SIN3B: variants seen among roughly 807,000 people sequenced by gnomAD.
SIN3B encodes paired amphipathic helix protein Sin3b.
A neutral mutation model predicts 120.2 loss-of-function variants in SIN3B; 19 were observed. The observed-to-expected ratio is 0.16, with a 90% CI of 0.11 to 0.23. SIN3B has a LOEUF of 0.23. SIN3B is among the 10% of genes least tolerant of loss of function. SIN3B has a pLI of 1.00. For synonymous variants in SIN3B, 654 were observed against 653.2 expected, an observed-to-expected ratio of 1.00 and a Z score of -0.02; for missense variants, 1,073 against 1,573.0, an observed-to-expected ratio of 0.68 and a Z score of 5.38.
chr19:16,864,778 G>A (rs933426315), intron 10 of SIN3B, among the ~76,000 whole-genome samples: 1 of 150,150 alleles, frequency 6.7e-6, no homozygotes, highest in African/African-American at 2.5e-5. Flanking sequence ...ACTGCTTGAG[G>A]CCAGGAGTTC....
chr19:16,850,408 A>G (rs910834596), intron 5 of SIN3B, among the ~76,000 whole-genome samples: 4 of 151,296 alleles, frequency 2.6e-5, no homozygotes, highest in Admixed American at 6.6e-5. Flanking sequence ...ACGGCATCCT[A>G]TTTGTTCTGC....
Position 16,843,815 on chromosome 19 carries a change from T to C in SIN3B, c.582+1847T>C, listed in dbSNP as rs973006775. Among the ~76,000 whole-genome samples, 7 of 151,982 alleles carry C rather than the reference T, an allele frequency of 4.6e-5. No homozygotes were observed. The East Asian group carries it at 9.7e-4, about 21-fold the overall frequency. Reference sequence around the variant, plus strand: ...CCTGGCCACCATGCAGGATTCCCATTCATCAGGGCCCGCCCGGCATCGGCA... The same window carrying C: ...CCTGGCCACCATGCAGGATTCCCATCCATCAGGGCCCGCCCGGCATCGGCA... On this transcript the variant is annotated intron_variant, in intron 4 of 18. Coordinates refer to ENST00000248054, the MANE Select transcript of SIN3B (RefSeq NM_001297595.2).
At chr19:16,832,638 C>T (rs1971294656) in intron 3 of SIN3B, among the ~76,000 whole-genome samples, 1 of 151,116 alleles carries the variant, frequency 6.6e-6, no homozygotes, top group African/African-American at 2.4e-5. Flanking sequence ...GTAGCTAGGA[C>T]TACAGGCGTG....
chr19:16,854,313 T>A (rs765231871), intron 8 of SIN3B, 52 bp downstream of exon 8: 37 of 1,144,124 alleles, frequency 3.2e-5, no homozygotes, highest in Non-Finnish European at 4.4e-5. Flanking sequence ...TCCTGTCAAC[T>A]CCATCTACTT....
chr19:16,874,474 A>G (rs2051556573), intron 14 of SIN3B, among the ~76,000 whole-genome samples: 1 of 132,652 alleles, frequency 7.5e-6, no homozygotes, highest in Admixed American at 7.7e-5. Context: ...GTCTGGTCTC[A>G]TCTGGTCTGG....
chr19:16,880,232 C>T lies in SIN3B; in HGVS notation c.*1505C>T, dbSNP rs2051677568. ...CATCCCCGCATGCTTCTAGGGAGCG[C>T]CTCTTTTCCGTTCTTGAGGAATTTC... On this transcript the variant is annotated 3_prime_UTR_variant, in exon 19 of 19. Coordinates refer to ENST00000248054, the MANE Select transcript of SIN3B (RefSeq NM_001297595.2). 1 of 152,294 alleles carries T rather than the reference C, an allele frequency of 6.6e-6. No homozygotes were observed. The highest frequency in any genetic ancestry group is 2.4e-5 in the African/African-American group (1 of 41,480). The allele number at this position is 152,294 out of a possible 1,614,324, so 9.4% of individuals were successfully genotyped here.
At position 16,876,879 on chromosome 19, in the gene SIN3B, C is replaced by A. The variant is rs577596531; in HGVS notation, c.2859+301C>A. On this transcript the variant is annotated intron_variant, in intron 16 of 18. Coordinates refer to ENST00000248054, the MANE Select transcript of SIN3B (RefSeq NM_001297595.2). The surrounding 1 kb of genome is among the most constrained non-coding windows in gnomAD (Gnocchi z 7.1). ...CCCCCGACTCCCACTCAGGGCATCC[C>A]GTGGCTGTGACCTCTGCACCTCTTG... The A allele has an allele frequency of 1.4e-5, 5 of 354,860 alleles. No individual in the cohort carries two copies. Among genetic ancestry groups the A allele is most frequent in the Non-Finnish European group, 2.6e-5 (5 of 192,244 alleles). 22.0% of individuals were successfully genotyped at this position (354,860 alleles called of 1,614,324 possible).
chr19:16,871,103 G>A (rs1279394423), intron 13 of SIN3B, 126 bp from the exon 14 acceptor site: 3 of 1,160,212 alleles, frequency 2.6e-6, no homozygotes, highest in South Asian at 1.3e-5. Flanking sequence ...ATTTGCCCCA[G>A]GGGTGGCAGG....
At position 16,864,020 on chromosome 19, in the gene SIN3B, G is replaced by A. The variant is rs543934385; in HGVS notation, c.1383+224G>A. 4.6e-5 allele frequency among the ~76,000 whole-genome samples: 7 copies of A among 152,340 alleles called. No individual in the cohort carries two copies. The East Asian group carries it at 9.6e-4, about 21-fold the overall frequency. The stretch of plus-strand genomic sequence containing the variant: ...TTTAAAAATTTTGTTTGGGCTGGGC[G>A]TAGTGGCAGACACCTGTAATCCCAA... On this transcript the variant is annotated intron_variant, in intron 10 of 18. Transcript: ENST00000248054.
chr19:16,848,788 A>C (rs1971510181), intron 5 of SIN3B, among the ~76,000 whole-genome samples: 1 of 152,198 alleles, frequency 6.6e-6, no homozygotes, highest in Non-Finnish European at 1.5e-5. Flanking sequence ...GGTGTGAGCC[A>C]CTGCGCCCGG....
chr19:16,867,325 T>C (rs1361621237), intron 12 of SIN3B, among the ~76,000 whole-genome samples: 3 of 152,154 alleles, frequency 2.0e-5, no homozygotes, highest in Non-Finnish European at 4.4e-5. Flanking sequence ...CTCTGAGTCA[T>C]TGGGTTCGAG....
At chr19:16,840,539 C>T (rs943791013) in intron 3 of SIN3B, among the ~76,000 whole-genome samples, 1 of 152,206 alleles carries the variant, frequency 6.6e-6, no homozygotes, top group Non-Finnish European at 1.5e-5. Context: ...ATGCACTCAC[C>T]CCACTGACGG....
At position 16,865,798 on chromosome 19, in the gene SIN3B, C is replaced by T. The variant is rs556715182; in HGVS notation, c.1622+150C>T. ...CATCTCCAGGGGTGGTCTCTGAGGC[C>T]TAAGGGTGCCTTCCTGTATTTCCCA... On this transcript the variant is annotated intron_variant, in intron 11 of 18. Coordinates refer to ENST00000248054, the MANE Select transcript of SIN3B (RefSeq NM_001297595.2). 1.4e-3 allele frequency: 859 copies of T among 616,064 alleles called. 14 individuals carry two copies. The South Asian group carries it at 0.017, about 12-fold the overall frequency. The allele number at this position is 616,064 out of a possible 1,614,324, so 38.2% of individuals were successfully genotyped here.
chr19:16,844,952 G>T (rs748090627), intron 4 of SIN3B, among the ~76,000 whole-genome samples: 1 of 152,102 alleles, frequency 6.6e-6, no homozygotes, highest in Non-Finnish European at 1.5e-5. Flanking sequence ...CATGGGAGGG[G>T]GTGCTGGCGT....
intron 8 of SIN3B, among the ~76,000 whole-genome samples, chr19:16,857,324 GAACAGTTT>G (rs1432053496): frequency 1.3e-5 from 2 of 152,098 alleles, no homozygotes; most frequent in Non-Finnish European, 2.9e-5. Flanking sequence ...ATAACTCCAA[GAACAGTTT>G]TTATATTTTA....
chr19:16,829,973 T>G, intron 2 of SIN3B, 76 bp downstream of exon 2: 1 of 946,772 alleles, frequency 1.1e-6, no homozygotes, highest in Non-Finnish European at 1.7e-6. Flanking sequence ...AGACCTCCCC[T>G]CTCCAGCCTG....
chr19:16,833,371 C>T (rs933639210), intron 3 of SIN3B, among the ~76,000 whole-genome samples: 15 of 151,686 alleles, frequency 9.9e-5, no homozygotes, highest in South Asian at 6.2e-4. Context: ...CAGTGGCTCA[C>T]GCCTGTAATC....
rs377732670 is a variant in SIN3B, at chr19:16,862,874, T to C, written c.1266+315T>C. 28 of 1,610,538 alleles carry C rather than the reference T, an allele frequency of 1.7e-5. No individual in the cohort carries two copies. The highest frequency in any genetic ancestry group is 2.3e-5 in the Non-Finnish European group (27 of 1,176,828). ...CCCGGGCTCACTGACCTCAGTGTGTTTCTGTTTAGCTTGACCATTGGACAC... is the reference window on the plus strand; with the variant it reads ...CCCGGGCTCACTGACCTCAGTGTGTCTCTGTTTAGCTTGACCATTGGACAC... On this transcript the variant is annotated intron_variant, in intron 9 of 18. Transcript: ENST00000248054. The surrounding 1 kb of genome is among the most constrained non-coding windows in gnomAD (Gnocchi z 4.7).
chr19:16,869,432 C>T, intron 12 of SIN3B, 28 bp from the exon 13 acceptor site: 1 of 1,578,092 alleles, frequency 6.3e-7, no homozygotes, highest in African/African-American at 1.3e-5. Flanking sequence ...GGTGGCTTTC[C>T]ACCTAATGGC....
Sources: allele counts gnomAD v4.1 joint callset (sites outside exome capture counted in the v4.1 genomes callset), GRCh38; gene constraint gnomAD v4.1.1; non-coding constraint Gnocchi (gnomAD v3.1); transcripts MANE v1.5; gene names NCBI Gene and HGNC (gene_info 2026-07-23, HGNC 2026-07-21).